Variants in MCPH1 observed in about 807,000 individuals in gnomAD.
MCPH1 encodes the protein microcephalin 1, also known as microcephalin.
Under a neutral mutation model 84.5 loss-of-function variants are expected in MCPH1, and 104 were observed. The ratio of observed to expected loss-of-function variants is 1.23; its 90% CI spans 1.05 to 1.45. MCPH1 has a LOEUF of 1.45. Among genes scored for constraint, MCPH1 ranks in the 40% most tolerant of loss-of-function variants. The pLI is 0.00. For missense variants in MCPH1, 1,498 were observed against 1,005.7 expected, an observed-to-expected ratio of 1.49 and a Z score of -6.62; for synonymous variants, 514 against 366.8, an observed-to-expected ratio of 1.40 and a Z score of -4.58.
At chr8:6,474,288 A>T (rs1563258290) in intron 9 of MCPH1, 1 of 528,056 alleles carries the variant, frequency 1.9e-6, no homozygotes, top group Non-Finnish European at 3.5e-6. Context: ...CCTGATTTTG[A>T]TTCTGATATG....
intron 12 of MCPH1, among the ~76,000 whole-genome samples, chr8:6,538,759 T>G (rs1160551855): frequency 2.0e-5 from 3 of 152,368 alleles, no homozygotes; most frequent in African/African-American, 7.2e-5. Context: ...GTTAATGTTC[T>G]TGCTTGCTTG....
At chr8:6,454,516 GTCAAA>G (rs1339110249) in intron 8 of MCPH1, among the ~76,000 whole-genome samples, 1 of 152,214 alleles carries the variant, frequency 6.6e-6, no homozygotes, top group African/African-American at 2.4e-5. Flanking sequence ...CAGTAGATGA[GTCAAA>G]TCAAAGTACA....
intron 12 of MCPH1, among the ~76,000 whole-genome samples, chr8:6,614,662 G>T (rs1174768349): frequency 1.3e-5 from 2 of 152,210 alleles, no homozygotes; most frequent in East Asian, 3.8e-4. Context: ...GCCTATATCT[G>T]CCTCTCAGTT....
intron 12 of MCPH1, among the ~76,000 whole-genome samples, chr8:6,538,431 C>T (rs139212012): frequency 1.4e-3 from 219 of 152,290 alleles, no homozygotes; most frequent in Non-Finnish European, 2.2e-3. Flanking sequence ...GTGACCGCAG[C>T]TCACTTTCTT....
rs140043275 is a variant in MCPH1, at chr8:6,535,919, T to C, written c.2214+35990T>C. 2.3e-3 allele frequency among the ~76,000 whole-genome samples: 344 copies of C among 150,624 alleles called. 2 individuals are homozygous for C. Among genetic ancestry groups the C allele is most frequent in the African/African-American group, 7.8e-3 (318 of 41,024 alleles). On this transcript the variant is annotated intron_variant, in intron 12 of 13. Coordinates refer to ENST00000344683, the MANE Select transcript of MCPH1 (RefSeq NM_024596.5). ...AAAAAAAAAAAAAATTAGCTTGGCC[T>C]GGTAGTGCGAGCCTGTAGTCTCAGG...
intron 8 of MCPH1, among the ~76,000 whole-genome samples, chr8:6,454,317 T>G (rs1805437273): frequency 6.6e-6 from 1 of 152,224 alleles, no homozygotes; most frequent in African/African-American, 2.4e-5. Flanking sequence ...GCAGTTTGGC[T>G]ATCACCTGCC....
rs1830977602 is a variant in MCPH1, at chr8:6,617,846, T to TATC, written c.2215-3607_2215-3605dup. ...CATGTGACACCATGCCGGGCTTGCT[T>TATC]ATCTATGTCTGTCTGTCTGTCTGTC... On this transcript the variant is annotated intron_variant, in intron 12 of 13. Coordinates refer to ENST00000344683, the MANE Select transcript of MCPH1 (RefSeq NM_024596.5). Among the ~76,000 whole-genome samples, 3 of 152,130 alleles carry TATC rather than the reference T, an allele frequency of 2.0e-5. No homozygotes were observed. In the South Asian group the frequency reaches 6.2e-4, roughly 32 times the overall value.
chr8:6,643,351 A>G lies in MCPH1; in HGVS notation c.*302A>G, dbSNP rs1798055902. The G allele has an allele frequency of 1.1e-5, 4 of 379,404 alleles. No individual in the cohort carries two copies. Among genetic ancestry groups the G allele is most frequent in the Non-Finnish European group, 1.5e-5 (3 of 203,822 alleles). The allele number at this position is 379,404 out of a possible 1,614,324, so 23.5% of individuals were successfully genotyped here. ...ACAATCTCGGCTCACTGCAACCTCC[A>G]CCTCCCAGGTTCAAGCGATTCTGCT... On this transcript the variant is annotated 3_prime_UTR_variant, in exon 14 of 14. Coordinates refer to ENST00000344683, the MANE Select transcript of MCPH1 (RefSeq NM_024596.5).
chr8:6,457,305 T>C (rs1271617092), intron 9 of MCPH1, among the ~76,000 whole-genome samples: 2 of 151,686 alleles, frequency 1.3e-5, no homozygotes, highest in Admixed American at 6.6e-5. Flanking sequence ...AAATGCAGAT[T>C]TTCTGGGCCA....
At chr8:6,577,900 C>T (rs745678659) in intron 12 of MCPH1, among the ~76,000 whole-genome samples, 5 of 152,192 alleles carry the variant, frequency 3.3e-5, no homozygotes, top group East Asian at 1.9e-4. Context: ...CCTCCGCCTC[C>T]GGAGTAGCTC....
chr8:6,436,857 C>G (rs113804343), intron 5 of MCPH1, among the ~76,000 whole-genome samples: 16,184 of 151,902 alleles, frequency 0.11, 1,080 homozygotes, highest in Middle Eastern at 0.24. Context: ...GTAGTCCCAG[C>G]TACTTGGGAG....
chr8:6,604,152 C>A (rs2980671), intron 12 of MCPH1, among the ~76,000 whole-genome samples: 5,388 of 152,122 alleles, frequency 0.035, 333 homozygotes, highest in African/African-American at 0.12. Flanking sequence ...TAGCTCAGCC[C>A]CCATGCTGTC....
chr8:6,477,900 C>T (rs551662294), intron 10 of MCPH1, among the ~76,000 whole-genome samples: 4 of 152,328 alleles, frequency 2.6e-5, no homozygotes, highest in African/African-American at 9.6e-5. Context: ...CAAATAGCTT[C>T]ATGAATGTTC....
chr8:6,562,991 G>A, intron 12 of MCPH1: 1 of 1,529,706 alleles, frequency 6.5e-7, no homozygotes, highest in Non-Finnish European at 8.8e-7. Context: ...CACACGTCCA[G>A]AGTCCCGAGC....
intron 9 of MCPH1, among the ~76,000 whole-genome samples, chr8:6,473,427 G>C (rs769716747): frequency 7.1e-6 from 1 of 140,896 alleles, no homozygotes; most frequent in African/African-American, 2.6e-5. Context: ...GTCTCCCCAG[G>C]TTCACGCCAT....
chr8:6,426,825 G>GTT (rs34536263), intron 3 of MCPH1, among the ~76,000 whole-genome samples: 3 of 149,184 alleles, frequency 2.0e-5, no homozygotes, highest in Admixed American at 6.7e-5. Flanking sequence ...GTATTTCATG[G>GTT]TTTTTTTTTT....
chr8:6,611,537 G>T (rs992822902), intron 12 of MCPH1, among the ~76,000 whole-genome samples: 1 of 152,238 alleles, frequency 6.6e-6, no homozygotes, highest in African/African-American at 2.4e-5. Flanking sequence ...ATACGGAGCT[G>T]CCATGCCCTC....
chr8:6,613,274 C>CGGGTAGAAACAGT (rs1830457539), intron 12 of MCPH1, among the ~76,000 whole-genome samples: 1 of 152,152 alleles, frequency 6.6e-6, no homozygotes, highest in African/African-American at 2.4e-5. Flanking sequence ...GAGGACGAGC[C>CGGGTAGAAACAGT]GGGTAGAAAC....
chr8:6,466,206 T>G (rs566768129), intron 9 of MCPH1, among the ~76,000 whole-genome samples: 1 of 149,484 alleles, frequency 6.7e-6, no homozygotes, highest in Non-Finnish European at 1.5e-5. Context: ...GCGCGATCTT[T>G]GCTCATTGCA....
Sources: gnomAD v4.1 joint callset for allele counts (sites outside exome capture counted in the v4.1 genomes callset) on GRCh38, gnomAD v4.1.1 for gene constraint, MANE v1.5 for transcripts, NCBI Gene and HGNC (gene_info 2026-07-23, HGNC 2026-07-21) for gene names.